The following ANKS1B variants were observed in gnomAD, a reference collection of about 807,000 sequenced individuals.
ANKS1B encodes ankyrin repeat and sterile alpha motif domain-containing protein 1B.
In ANKS1B, 36 loss-of-function variants were observed where a neutral mutation model predicts 148.3. That is an observed-to-expected ratio of 0.24 (90% CI 0.19 to 0.32). The LOEUF (loss-of-function observed/expected upper bound fraction) is 0.32, where lower values mean the gene tolerates loss of function less well. Ranked by LOEUF, ANKS1B falls within the 10% of genes least tolerant of loss-of-function variation. The pLI, the probability that ANKS1B is intolerant of heterozygous loss-of-function variation, is 1.00. For synonymous variants in ANKS1B, 542 were observed against 560.8 expected, an observed-to-expected ratio of 0.97 and a Z score of 0.47; for missense variants, 1,157 against 1,542.6, an observed-to-expected ratio of 0.75 and a Z score of 4.19.
intron 4 of ANKS1B, among the ~76,000 whole-genome samples, chr12:99,788,569 T>C (rs1567850586): frequency 6.6e-6 from 1 of 152,196 alleles, no homozygotes; most frequent in Non-Finnish European, 1.5e-5. Flanking sequence ...CAACTTCTTC[T>C]GTTTGAAAAC....
At chr12:99,346,044 CA>C (rs1316029329) in intron 12 of ANKS1B, among the ~76,000 whole-genome samples, 1 of 151,874 alleles carries the variant, frequency 6.6e-6, no homozygotes, top group Non-Finnish European at 1.5e-5. Flanking sequence ...ATTTGGAGAA[CA>C]TTTTTTTTCC....
At chr12:99,125,770 C>T (rs1485257862) in intron 15 of ANKS1B, among the ~76,000 whole-genome samples, 1 of 152,016 alleles carries the variant, frequency 6.6e-6, no homozygotes, top group African/African-American at 2.4e-5. Flanking sequence ...TAAACAGATT[C>T]CTAACAGGTA....
chr12:99,240,406 C>T (rs7977543), intron 14 of ANKS1B, among the ~76,000 whole-genome samples: 29,987 of 152,086 alleles, frequency 0.2, 3,906 homozygotes, highest in African/African-American at 0.37. Flanking sequence ...TAACCAGAAT[C>T]ATAAAGCAAG....
intron 17 of ANKS1B, among the ~76,000 whole-genome samples, chr12:98,916,190 T>G (rs1225670425): frequency 6.6e-6 from 1 of 152,236 alleles, no homozygotes; most frequent in East Asian, 1.9e-4. Context: ...AAAAGAATGA[T>G]TCACTGCTGA....
intron 1 of ANKS1B, among the ~76,000 whole-genome samples, chr12:99,836,688 G>C (rs562173056): frequency 6.6e-6 from 1 of 152,196 alleles, no homozygotes; most frequent in Admixed American, 6.5e-5. Flanking sequence ...AGGAAAACTA[G>C]AGCATCTATT....
At chr12:99,968,805 T>C (rs542278498) in intron 1 of ANKS1B, among the ~76,000 whole-genome samples, 28 of 152,262 alleles carry the variant, frequency 1.8e-4, no homozygotes, top group African/African-American at 6.5e-4. Context: ...GACTGAGTTC[T>C]CCAAATTTAC....
At chr12:99,388,783 A>G (rs1291793108) in intron 12 of ANKS1B, among the ~76,000 whole-genome samples, 2 of 152,192 alleles carry the variant, frequency 1.3e-5, no homozygotes, top group African/African-American at 2.4e-5. Flanking sequence ...TGCAGAGCTC[A>G]TGTGGTTTAT....
At chr12:99,944,107 G>C (rs1434111654) in intron 1 of ANKS1B, among the ~76,000 whole-genome samples, 2 of 152,028 alleles carry the variant, frequency 1.3e-5, no homozygotes, top group African/African-American at 4.8e-5. Context: ...AACTTCAAGA[G>C]ATCTTAGCAG....
intron 12 of ANKS1B, among the ~76,000 whole-genome samples, chr12:99,253,088 T>C (rs1284647077): frequency 6.6e-6 from 1 of 151,954 alleles, no homozygotes; most frequent in African/African-American, 2.4e-5. Flanking sequence ...AATTTAAGCA[T>C]GATAATGAGT....
At chr12:99,718,633 G>A (rs1350019394) in intron 8 of ANKS1B, among the ~76,000 whole-genome samples, 2 of 152,148 alleles carry the variant, frequency 1.3e-5, no homozygotes, top group African/African-American at 4.8e-5. Flanking sequence ...GTTAGTTCAG[G>A]ATCTGCGCCT....
intron 1 of ANKS1B, among the ~76,000 whole-genome samples, chr12:99,882,339 A>T (rs2092566665): frequency 1.3e-5 from 2 of 152,214 alleles, no homozygotes; most frequent in Admixed American, 6.5e-5. Flanking sequence ...AGAGTATAGT[A>T]CAAAGAAAAA....
intron 12 of ANKS1B, among the ~76,000 whole-genome samples, chr12:99,332,282 T>A (rs1376616689): frequency 6.6e-6 from 1 of 152,028 alleles, no homozygotes; most frequent in Non-Finnish European, 1.5e-5. Context: ...AGCACTGATC[T>A]ACAACATATA....
At chr12:99,334,139 T>C (rs2088230733) in intron 12 of ANKS1B, among the ~76,000 whole-genome samples, 1 of 150,954 alleles carries the variant, frequency 6.6e-6, no homozygotes, top group Admixed American at 6.6e-5. Context: ...AATAGATAGA[T>C]AGATAGATAG....
At chr12:98,850,459 ATTTTTTTTT>A (rs59294440) in intron 17 of ANKS1B, among the ~76,000 whole-genome samples, 7 of 70,514 alleles carry the variant, frequency 9.9e-5, no homozygotes, top group South Asian at 1.4e-3. Flanking sequence ...GAAGCATTGC[ATTTTTTTTT>A]TTTTTTTTTT....
intron 10 of ANKS1B, among the ~76,000 whole-genome samples, chr12:99,465,496 G>T (rs1008053596): frequency 6.6e-6 from 1 of 152,036 alleles, no homozygotes; most frequent in African/African-American, 2.4e-5. Flanking sequence ...ACACAGACTG[G>T]CAAATTGGAT....
chr12:99,905,799 G>A (rs571195977), intron 1 of ANKS1B, among the ~76,000 whole-genome samples: 67 of 152,264 alleles, frequency 4.4e-4, no homozygotes, highest in African/African-American at 1.6e-3. Context: ...TTGGATTAGA[G>A]CCCACCCTAA....
chr12:99,372,271 T>C (rs2152474254), intron 12 of ANKS1B, among the ~76,000 whole-genome samples: 2 of 152,100 alleles, frequency 1.3e-5, no homozygotes, highest in East Asian at 3.9e-4. Flanking sequence ...CACTCAATTT[T>C]GCTGTGAACC....
chr12:99,136,629 T>C (rs1411646382), intron 15 of ANKS1B, among the ~76,000 whole-genome samples: 1 of 152,130 alleles, frequency 6.6e-6, no homozygotes, highest in Non-Finnish European at 1.5e-5. Context: ...GTAAATAATA[T>C]CTAAAGTTGA....
chr12:99,642,618 C>T (rs1220320676), intron 9 of ANKS1B, among the ~76,000 whole-genome samples: 3 of 151,974 alleles, frequency 2.0e-5, no homozygotes, highest in Admixed American at 6.6e-5. Context: ...GAGTTCAAGA[C>T]AAGACAGGCC....
Sources: gnomAD v4.1 joint callset for allele counts (sites outside exome capture counted in the v4.1 genomes callset) on GRCh38, gnomAD v4.1.1 for gene constraint, MANE v1.5 for transcripts, NCBI Gene and HGNC (gene_info 2026-07-23, HGNC 2026-07-21) for gene names.